The following SLIT2 variants were observed in gnomAD, a reference collection of about 807,000 sequenced individuals.
SLIT2 encodes the protein slit guidance ligand 2, also known as slit homolog 2 protein.
Under a neutral mutation model 185.7 loss-of-function variants are expected in SLIT2, and 41 were observed. The observed-to-expected ratio is 0.22, with a 90% CI of 0.17 to 0.29. The LOEUF (loss-of-function observed/expected upper bound fraction) is 0.29. Ranked by LOEUF, SLIT2 falls within the 10% of genes least tolerant of loss-of-function variation. SLIT2 has a pLI of 1.00. For missense variants in SLIT2, 1,571 were observed against 1,909.0 expected (o/e 0.82, Z 3.30); for synonymous variants, 693 against 680.2 (o/e 1.02, Z -0.29).
chr4:20,401,027 A>G (rs907732291), intron 4 of SLIT2, among the ~76,000 whole-genome samples: 1 of 151,836 alleles, frequency 6.6e-6, no homozygotes, highest in Non-Finnish European at 1.5e-5. Context: ...TGAAAATATA[A>G]ACAAGTTTAG....
At chr4:20,435,540 G>T (rs375306054) in intron 4 of SLIT2, among the ~76,000 whole-genome samples, 1 of 152,186 alleles carries the variant, frequency 6.6e-6, no homozygotes, top group African/African-American at 2.4e-5. Context: ...TAAACATCAT[G>T]GACTGGAGTG....
chr4:20,478,043 G>A (rs902539275), intron 5 of SLIT2, among the ~76,000 whole-genome samples: 1 of 152,280 alleles, frequency 6.6e-6, no homozygotes, highest in Admixed American at 6.5e-5. Flanking sequence ...AAATTACATT[G>A]TTGCATAGTT....
At chr4:20,613,927 A>T (rs1305679176) in intron 34 of SLIT2, among the ~76,000 whole-genome samples, 1 of 152,050 alleles carries the variant, frequency 6.6e-6, no homozygotes, top group African/African-American at 2.4e-5. Context: ...GCTGGAGCGC[A>T]ATGGCACGAT....
chr4:20,263,524 T>C (rs189689514), intron 3 of SLIT2, among the ~76,000 whole-genome samples: 17 of 151,916 alleles, frequency 1.1e-4, no homozygotes, highest in African/African-American at 1.7e-4. Flanking sequence ...TGATGCTTGG[T>C]GTCTCATGGA....
intron 29 of SLIT2, chr4:20,569,212 G>A (rs966604580): frequency 2.2e-5 from 12 of 546,198 alleles, no homozygotes; most frequent in South Asian, 6.3e-5. Context: ...TCAAACATAC[G>A]CATCTATTAT....
chr4:20,472,303 G>GATATCTAT (rs1266183007), intron 5 of SLIT2, among the ~76,000 whole-genome samples: 8 of 30,984 alleles, frequency 2.6e-4, no homozygotes, highest in East Asian at 1.0e-3. Context: ...TAGATATATA[G>GATATCTAT]ATCTATATAT....
chr4:20,553,715 A>C, intron 25 of SLIT2, 90 bp from the exon 26 acceptor site: 1 of 1,192,814 alleles, frequency 8.4e-7, no homozygotes, highest in Non-Finnish European at 1.1e-6. Context: ...TGCCCTTAGG[A>C]AATAACAATA....
chr4:20,551,287 C>T (rs1242624883), intron 25 of SLIT2, among the ~76,000 whole-genome samples: 1 of 152,170 alleles, frequency 6.6e-6, no homozygotes, highest in African/African-American at 2.4e-5. Flanking sequence ...GAAGCCTCTC[C>T]TGATTTGCTC....
intron 4 of SLIT2, among the ~76,000 whole-genome samples, chr4:20,307,160 CTCCT>C (rs560265442): frequency 0.012 from 290 of 24,272 alleles, 2 homozygotes; most frequent in Non-Finnish European, 0.013. Flanking sequence ...CCCTCCCTCC[CTCCT>C]TCCTTCCTTC....
chr4:20,259,423 A>G (rs1404852942), intron 3 of SLIT2, among the ~76,000 whole-genome samples: 1 of 151,754 alleles, frequency 6.6e-6, no homozygotes, highest in Non-Finnish European at 1.5e-5. Flanking sequence ...ACTTTTAGTC[A>G]CCACAGGAAA....
intron 21 of SLIT2, among the ~76,000 whole-genome samples, chr4:20,545,212 A>G (rs1196189202): frequency 1.3e-5 from 2 of 152,086 alleles, no homozygotes; most frequent in Non-Finnish European, 2.9e-5. Context: ...CTGTGGGCAC[A>G]TGTATAGCCA....
At chr4:20,537,446 G>A (rs562775768) in intron 18 of SLIT2, among the ~76,000 whole-genome samples, 29 of 152,208 alleles carry the variant, frequency 1.9e-4, no homozygotes, top group South Asian at 8.3e-4. Flanking sequence ...TTCAAAATAC[G>A]AATTTGAGGG....
At chr4:20,426,134 G>T (rs1184799680) in intron 4 of SLIT2, among the ~76,000 whole-genome samples, 1 of 152,118 alleles carries the variant, frequency 6.6e-6, no homozygotes, top group South Asian at 2.1e-4. Context: ...GTGTAGTGTG[G>T]TACCTAACAC....
At chr4:20,365,245 A>G (rs377041484) in intron 4 of SLIT2, among the ~76,000 whole-genome samples, 6 of 152,192 alleles carry the variant, frequency 3.9e-5, no homozygotes, top group Admixed American at 6.5e-5. Flanking sequence ...AGAATGGTTC[A>G]TATAACAGAA....
intron 12 of SLIT2, among the ~76,000 whole-genome samples, chr4:20,520,075 C>G (rs192514520): frequency 6.4e-4 from 95 of 147,974 alleles, no homozygotes; most frequent in Non-Finnish European, 1.2e-3. Flanking sequence ...GTGATATACT[C>G]AGCAACTTTT....
intron 16 of SLIT2, among the ~76,000 whole-genome samples, chr4:20,531,088 T>C (rs1721764650): frequency 6.6e-6 from 1 of 152,098 alleles, no homozygotes; most frequent in Non-Finnish European, 1.5e-5. Context: ...AAAGAGTTAA[T>C]CACGATTTAC....
intron 5 of SLIT2, among the ~76,000 whole-genome samples, chr4:20,472,129 A>G (rs1398183512): frequency 2.0e-5 from 3 of 148,612 alleles, no homozygotes; most frequent in African/African-American, 7.6e-5. Flanking sequence ...ACAAATATGA[A>G]TTAAGTATTG....
chr4:20,482,842 TCAATC>T lies in SLIT2; in HGVS notation c.539+2057_539+2061del, dbSNP rs745531324. ...AGACATTACTTTAAATGTTTTTTTT[TCAATC>T]CTCATACTTTAAACAACCCCTAGAA... On this transcript the variant is annotated intron_variant, in intron 6 of 36. Transcript: ENST00000504154. 2.9e-3 allele frequency among the ~76,000 whole-genome samples: 441 copies of T among 152,048 alleles called. 3 individuals carry two copies. The highest frequency in any genetic ancestry group is 9.7e-3 in the African/African-American group (402 of 41,526).
rs114733837 is a variant in SLIT2, at chr4:20,475,490, T to C, written c.468-5226T>C. ...CCTGAGTCTTTTTCCTGAGTCACTA[T>C]GTATTGAGAGGGAGTTATGGCAATA... On this transcript the variant is annotated intron_variant, in intron 5 of 36. Coordinates refer to ENST00000504154, the MANE Select transcript of SLIT2 (RefSeq NM_004787.4). 7.2e-3 allele frequency among the ~76,000 whole-genome samples: 1,092 copies of C among 152,204 alleles called. 15 individuals carry two copies. The highest frequency in any genetic ancestry group is 0.025 in the African/African-American group (1,044 of 41,532).
Sources: gnomAD v4.1 joint callset for allele counts (sites outside exome capture counted in the v4.1 genomes callset) on GRCh38, gnomAD v4.1.1 for gene constraint, MANE v1.5 for transcripts, NCBI Gene and HGNC (gene_info 2026-07-23, HGNC 2026-07-21) for gene names.